The following PLEKHA6 variants were observed in gnomAD, a reference collection of about 807,000 sequenced individuals.
PLEKHA6 encodes the protein pleckstrin homology domain containing A6.
Under a neutral mutation model 116.7 loss-of-function variants are expected in PLEKHA6, and 60 were observed. The observed-to-expected ratio is 0.51, with a 90% CI of 0.42 to 0.64. PLEKHA6 has a LOEUF of 0.64. Ranked by LOEUF, PLEKHA6 falls within the 30% of genes least tolerant of loss-of-function variation. The pLI, the probability that PLEKHA6 is intolerant of heterozygous loss-of-function variation, is 0.00. For synonymous variants in PLEKHA6, 489 were observed against 556.1 expected (o/e 0.88, Z 1.70); for missense variants, 1,338 against 1,422.7 (o/e 0.94, Z 0.96).
At chr1:204,308,230 C>A (rs147196326) in intron 1 of PLEKHA6, among the ~76,000 whole-genome samples, 1 of 152,296 alleles carries the variant, frequency 6.6e-6, no homozygotes, top group East Asian at 1.9e-4. Context: ...CAGCCCGATT[C>A]GGCATCTTGG....
intron 1 of PLEKHA6, among the ~76,000 whole-genome samples, chr1:204,314,556 T>C (rs968532976): frequency 2.6e-5 from 4 of 152,138 alleles, no homozygotes; most frequent in Admixed American, 6.5e-5. Flanking sequence ...TGGAGGGGAA[T>C]AGACAGACAC....
At chr1:204,253,671 AT>A (rs1419156688) in intron 9 of PLEKHA6, among the ~76,000 whole-genome samples, 1 of 151,972 alleles carries the variant, frequency 6.6e-6, no homozygotes, top group Non-Finnish European at 1.5e-5. Flanking sequence ...ACAAAAAAAA[AT>A]TTTTTAATTA....
chr1:204,335,584 T>A (rs1201973624), intron 1 of PLEKHA6, among the ~76,000 whole-genome samples: 1 of 151,956 alleles, frequency 6.6e-6, no homozygotes, highest in Non-Finnish European at 1.5e-5. Context: ...AAGAAGACAT[T>A]GAGGGAACAC....
At position 204,312,886 on chromosome 1, in the gene PLEKHA6, C is replaced by CTTTTCT. The variant is rs1553276456; in HGVS notation, c.-94-38078_-94-38077insAGAAAA. 5.6e-5 allele frequency among the ~76,000 whole-genome samples: 8 copies of CTTTTCT among 143,154 alleles called. No individual in the cohort carries two copies. In the East Asian group the frequency reaches 8.2e-4, roughly 15 times the overall value. The allele number at this position is 143,154 out of a possible 152,430, so 93.9% of individuals were successfully genotyped here. Reference sequence around the variant, plus strand: ...CTTTTCTTTTCTTTTCTTTTCTTTTCTTTTTTTTCTTTTCCTTTCCCTCCC... The same window carrying CTTTTCT: ...CTTTTCTTTTCTTTTCTTTTCTTTTCTTTTCTTTTTTTTTCTTTTCCTTTCCCTCCC... On this transcript the variant is annotated intron_variant, in intron 1 of 22. Coordinates refer to ENST00000272203, the MANE Select transcript of PLEKHA6 (RefSeq NM_014935.5).
At chr1:204,229,755 C>G (rs1016173294) in intron 18 of PLEKHA6, among the ~76,000 whole-genome samples, 1 of 152,206 alleles carries the variant, frequency 6.6e-6, no homozygotes, top group Non-Finnish European at 1.5e-5. Context: ...AGTTCTAATC[C>G]ATCAACTAGA....
Position 204,259,679 on chromosome 1 carries a change from T to G in PLEKHA6, c.586A>C (p.Asn196His), listed in dbSNP as rs777097613. Residue 196 changes from asparagine to histidine, a missense_variant, in exon 8 of 23, where the codon AAC (asparagine) becomes CAC (histidine). Asn to His is a moderately conservative substitution (Grantham distance 68, BLOSUM62 1). Coordinates refer to ENST00000272203, the MANE Select transcript of PLEKHA6 (RefSeq NM_014935.5). The surrounding 1 kb of genome is among the most constrained non-coding windows in gnomAD (Gnocchi z 4.6). ...PSKHHQQPPH[N>H]SLPKPEPEAK... ...TCTGGCTCAGGCTTAGGGAGGCTGT[T>G]GTGGGGTGGCTGCTGGTGGTGCTTG... The G allele has an allele frequency of 6.2e-7, 1 of 1,614,058 alleles. No individual in the cohort carries two copies. Among genetic ancestry groups the G allele is most frequent in the Non-Finnish European group, 8.5e-7 (1 of 1,179,962 alleles).
chr1:204,366,703 G>A (rs2103404602), intron 3 of PLEKHA6, among the ~76,000 whole-genome samples: 1 of 152,316 alleles, frequency 6.6e-6, no homozygotes, highest in Admixed American at 6.5e-5. Flanking sequence ...GGAAATTGCA[G>A]TGAACTGAGA....
At chr1:204,230,973 G>T (rs1018744969) in intron 17 of PLEKHA6, among the ~76,000 whole-genome samples, 23 of 152,262 alleles carry the variant, frequency 1.5e-4, no homozygotes, top group African/African-American at 5.3e-4. Context: ...CTCCCTCAGG[G>T]CTTCCAGAAG....
At chr1:204,321,691 T>C (rs1407340778) in intron 1 of PLEKHA6, among the ~76,000 whole-genome samples, 2 of 152,210 alleles carry the variant, frequency 1.3e-5, no homozygotes, top group Admixed American at 6.5e-5. Flanking sequence ...ATCTTATTTT[T>C]CTTCATCCTT....
At chr1:204,359,607 C>CG in intron 1 of PLEKHA6, 87 bp downstream of exon 1, 1 of 985,446 alleles carries the variant, frequency 1.0e-6, no homozygotes, top group Non-Finnish European at 1.2e-6. Flanking sequence ...CCCAGGCTCA[C>CG]GCGGCAGACA....
At chr1:204,350,927 C>T (rs1572221020) in intron 1 of PLEKHA6, among the ~76,000 whole-genome samples, 2 of 152,240 alleles carry the variant, frequency 1.3e-5, no homozygotes, top group South Asian at 4.1e-4. Flanking sequence ...GAGGAGAGGG[C>T]TGTGCTGGGG....
chr1:204,364,129 ACAAAATAACT>A (rs1673610266), upstream of PLEKHA6, among the ~76,000 whole-genome samples: 1 of 152,216 alleles, frequency 6.6e-6, no homozygotes, highest in South Asian at 2.1e-4. Flanking sequence ...ACTAAAAGAA[ACAAAATAACT>A]CCTCCGGTTG....
chr1:204,243,024 A>G (rs1037886611), intron 15 of PLEKHA6: 6 of 399,068 alleles, frequency 1.5e-5, no homozygotes, highest in Non-Finnish European at 2.7e-5. Context: ...TAATGGGGAA[A>G]ATGACTCCAG....
At chr1:204,275,690 C>T (rs893511761) in intron 1 of PLEKHA6, 14 of 984,918 alleles carry the variant, frequency 1.4e-5, no homozygotes, top group South Asian at 4.7e-5. Flanking sequence ...GCAGACAGAG[C>T]GCAGAGGGGC....
chr1:204,254,652 A>G (rs1309591120), intron 9 of PLEKHA6, among the ~76,000 whole-genome samples: 3 of 152,192 alleles, frequency 2.0e-5, no homozygotes, highest in Non-Finnish European at 2.9e-5. Flanking sequence ...AATGGGGGTA[A>G]TAATAGCATC....
intron 1 of PLEKHA6, among the ~76,000 whole-genome samples, chr1:204,301,745 C>A (rs974573270): frequency 6.6e-6 from 1 of 152,146 alleles, no homozygotes; most frequent in African/African-American, 2.4e-5. Context: ...ACAGGTTTGG[C>A]ATGTTTCTCC....
chr1:204,358,753 A>C (rs1673484564), intron 1 of PLEKHA6, among the ~76,000 whole-genome samples: 2 of 149,320 alleles, frequency 1.3e-5, no homozygotes, highest in African/African-American at 2.5e-5. Context: ...CTCCCTCCCC[A>C]CCCCTGTGCC....
intron 10 of PLEKHA6, among the ~76,000 whole-genome samples, chr1:204,249,611 G>C (rs974989222): frequency 6.6e-6 from 1 of 152,148 alleles, no homozygotes; most frequent in Non-Finnish European, 1.5e-5. Flanking sequence ...GAGGTGGGCC[G>C]GGTGTCAGAA....
chr1:204,340,014 C>T (rs531164030), intron 1 of PLEKHA6, among the ~76,000 whole-genome samples: 20 of 152,272 alleles, frequency 1.3e-4, no homozygotes, highest in African/African-American at 4.6e-4. Context: ...CATTTGCTTA[C>T]CCATTTTTAG....
Sources: allele counts gnomAD v4.1 joint callset (sites outside exome capture counted in the v4.1 genomes callset), GRCh38; gene constraint gnomAD v4.1.1; non-coding constraint Gnocchi (gnomAD v3.1); transcripts MANE v1.5; gene names NCBI Gene and HGNC (gene_info 2026-07-23, HGNC 2026-07-21).